The following TAB2 variants were observed in gnomAD, a reference collection of about 807,000 sequenced individuals.
TAB2 encodes the protein TGF-beta activated kinase 1 (MAP3K7) binding protein 2.
A neutral mutation model predicts 65.0 loss-of-function variants in TAB2; 3 were observed. The ratio of observed to expected loss-of-function variants is 0.05; its 90% CI spans 0.02 to 0.12. The LOEUF is 0.12. Among genes scored for constraint, TAB2 ranks in the 10% least tolerant of loss-of-function variants. The pLI, the probability that TAB2 is intolerant of heterozygous loss-of-function variation, is 1.00. For missense variants in TAB2, 623 were observed against 840.3 expected (o/e 0.74, Z 3.20); for synonymous variants, 298 against 285.1 (o/e 1.05, Z -0.46).
intron 1 of TAB2, among the ~76,000 whole-genome samples, chr6:149,337,313 C>T (rs1217042920): frequency 2.0e-5 from 3 of 152,068 alleles, no homozygotes; most frequent in African/African-American, 7.2e-5. Context: ...GTAAAACTGG[C>T]TTTCTTTATA....
At chr6:149,266,822 G>A (rs185707142) in intron 1 of TAB2, among the ~76,000 whole-genome samples, 5 of 152,260 alleles carry the variant, frequency 3.3e-5, no homozygotes, top group African/African-American at 9.6e-5. Context: ...CCTTGTACCA[G>A]TCAGGGTCTG....
At chr6:149,308,709 G>A (rs768748072) in intron 1 of TAB2, among the ~76,000 whole-genome samples, 41 of 151,938 alleles carry the variant, frequency 2.7e-4, no homozygotes, top group Non-Finnish European at 5.1e-4. Flanking sequence ...TGTATTTTTA[G>A]TAGAGAGAGG....
intron 1 of TAB2, among the ~76,000 whole-genome samples, chr6:149,366,395 T>G (rs148324275): frequency 2.3e-3 from 343 of 152,268 alleles, no homozygotes; most frequent in African/African-American, 6.9e-3. Flanking sequence ...ACACAGAATT[T>G]AGGGCCTCCT....
intron 1 of TAB2, among the ~76,000 whole-genome samples, chr6:149,303,497 T>TTA (rs1373253314): frequency 6.6e-6 from 1 of 152,128 alleles, no homozygotes; most frequent in Non-Finnish European, 1.5e-5. Context: ...CATTATGTAT[T>TTA]TATATATATA....
At chr6:149,300,238 G>A (rs960716421) in intron 1 of TAB2, among the ~76,000 whole-genome samples, 3 of 152,102 alleles carry the variant, frequency 2.0e-5, no homozygotes, top group Non-Finnish European at 4.4e-5. Flanking sequence ...CAGTTATTCT[G>A]ATTTTAAAAA....
intron 1 of TAB2, among the ~76,000 whole-genome samples, chr6:149,253,996 A>AAG: frequency 6.7e-6 from 1 of 149,310 alleles, no homozygotes; most frequent in East Asian, 1.9e-4. Context: ...GAAAGAAAGA[A>AAG]AGAAAGAAAG....
At chr6:149,380,797 C>CT (rs991035906) in intron 3 of TAB2, among the ~76,000 whole-genome samples, 4 of 152,174 alleles carry the variant, frequency 2.6e-5, no homozygotes, top group African/African-American at 9.7e-5. Context: ...TATCCTCATC[C>CT]TTTTTTACAT....
chr6:149,347,536 T>A lies in TAB2; in HGVS notation c.-89-22373T>A, dbSNP rs1166161875. ...AAAATAAGTAGCATTTGGATTACAT[T>A]ATTTTTGCAGATAACTGATTATCTG... On this transcript the variant is annotated intron_variant, in intron 1 of 6. Coordinates refer to ENST00000637181, the MANE Select transcript of TAB2 (RefSeq NM_001292034.3). Among the ~76,000 whole-genome samples, 5 of 152,190 alleles carry A rather than the reference T, an allele frequency of 3.3e-5. No homozygotes were observed. In the South Asian group the frequency reaches 1.0e-3, roughly 31 times the overall value.
chr6:149,224,634 G>C (rs1777228119), intron 1 of TAB2, among the ~76,000 whole-genome samples: 1 of 152,202 alleles, frequency 6.6e-6, no homozygotes, highest in Admixed American at 6.5e-5. Flanking sequence ...GTCCAGGGAA[G>C]AGTGCCAGCC....
At chr6:149,310,692 C>T (rs1454512089) in intron 1 of TAB2, among the ~76,000 whole-genome samples, 1 of 152,042 alleles carries the variant, frequency 6.6e-6, no homozygotes, top group Admixed American at 6.5e-5. Flanking sequence ...ACAGAGAAGG[C>T]TCAAGAAGGC....
chr6:149,291,332 C>A (rs967323310), intron 1 of TAB2: 3 of 152,174 alleles, frequency 2.0e-5, no homozygotes, highest in Non-Finnish European at 2.9e-5. Flanking sequence ...TGGATGTCAT[C>A]AGTAGAAATA....
At chr6:149,299,372 A>G (rs1230645529) in intron 1 of TAB2, among the ~76,000 whole-genome samples, 1 of 152,048 alleles carries the variant, frequency 6.6e-6, no homozygotes, top group Non-Finnish European at 1.5e-5. Context: ...GGGAGATCAA[A>G]ACCAGCCTGG....
chr6:149,223,867 C>G lies in TAB2; in HGVS notation c.-121+5091C>G, dbSNP rs116608568. 3.9e-3 allele frequency among the ~76,000 whole-genome samples: 590 copies of G among 152,084 alleles called. 4 individuals are homozygous for G. The highest frequency in any genetic ancestry group is 0.013 in the African/African-American group (557 of 41,476). On this transcript the variant is annotated intron_variant, in intron 1 of 1. Coordinates refer to the TAB2 transcript ENST00000606202. ...GGCTGAATGTAAATATTCCTTTAAT[C>G]TGGCTGAGACTACACACCTCCCCCT... is the stretch of plus-strand genomic sequence containing the variant.
rs1031002628 is a variant in TAB2 at position 149,411,072 on chromosome 6, A to G, written c.*1353A>G. 1 of 152,662 alleles carries G rather than the reference A, an allele frequency of 6.6e-6. No homozygotes were observed. The highest frequency in any genetic ancestry group is 1.5e-5 in the Non-Finnish European group (1 of 68,046). The allele number at this position is 152,662 out of a possible 1,614,324, so 9.5% of individuals were successfully genotyped here. Reference sequence around the variant, plus strand: ...CAACCTCAAGCATCTCTTTATTTTGATGATATATTTTTGTAAGGAAAATAT... The same window carrying G: ...CAACCTCAAGCATCTCTTTATTTTGGTGATATATTTTTGTAAGGAAAATAT... On this transcript the variant is annotated 3_prime_UTR_variant, in exon 7 of 7. Coordinates refer to ENST00000637181, the MANE Select transcript of TAB2 (RefSeq NM_001292034.3).
chr6:149,398,261 A>G (rs1310042181), intron 5 of TAB2, among the ~76,000 whole-genome samples, 199 bp downstream of exon 5: 1 of 152,234 alleles, frequency 6.6e-6, no homozygotes, highest in Non-Finnish European at 1.5e-5. Flanking sequence ...AATATAGAAG[A>G]TAGTAAAAAT....
At chr6:149,369,569 G>A (rs1013245631) in intron 1 of TAB2, among the ~76,000 whole-genome samples, 1 of 151,966 alleles carries the variant, frequency 6.6e-6, no homozygotes, top group Non-Finnish European at 1.5e-5. Context: ...ACTCACCTTG[G>A]GATAATCATT....
At chr6:149,265,807 T>C (rs552278647) in intron 1 of TAB2, among the ~76,000 whole-genome samples, 1 of 152,262 alleles carries the variant, frequency 6.6e-6, no homozygotes, top group East Asian at 1.9e-4. Flanking sequence ...AATTCAAAGT[T>C]TTCCACAATC....
Position 149,222,617 on chromosome 6 carries a change from C to CA in TAB2, c.-121+3857dup, listed in dbSNP as rs36037987. Among the ~76,000 whole-genome samples the CA allele has an allele frequency of 6.4e-3, 807 of 126,344 alleles. 6 individuals carry two copies. The highest frequency in any genetic ancestry group is 0.019 in the African/African-American group (687 of 35,256). The allele number at this position is 126,344 out of a possible 152,430, so 82.9% of individuals were successfully genotyped here. Reference sequence around the variant, plus strand: ...TGGGCAACAGAGCGAGACTCTGTCTCAAAAAAAAAAAAAAAAGAAACTTTT... The same window carrying CA: ...TGGGCAACAGAGCGAGACTCTGTCTCAAAAAAAAAAAAAAAAAGAAACTTTT... On this transcript the variant is annotated intron_variant, in intron 1 of 1. Transcript: ENST00000606202.
chr6:149,259,055 A>G (rs191073771), intron 1 of TAB2, among the ~76,000 whole-genome samples: 1 of 152,176 alleles, frequency 6.6e-6, no homozygotes, highest in Non-Finnish European at 1.5e-5. Flanking sequence ...CCAGAAAGGA[A>G]CACAATGCTG....
Sources: allele counts gnomAD v4.1 joint callset (sites outside exome capture counted in the v4.1 genomes callset), GRCh38; gene constraint gnomAD v4.1.1; transcripts MANE v1.5; gene names NCBI Gene and HGNC (gene_info 2026-07-23, HGNC 2026-07-21).